The following ATOSA variants were observed in gnomAD, a reference collection of about 807,000 sequenced individuals.
ATOSA encodes the protein atos homolog A.
the ATOSA span, among the ~76,000 whole-genome samples, chr15:52,673,828 G>A: frequency 1.3e-5 from 2 of 152,170 alleles, no homozygotes; most frequent in East Asian, 1.9e-4. Context: ...AATTGTTTGA[G>A]GTTAACAGGG....
chr15:52,697,428 T>G, the ATOSA span, among the ~76,000 whole-genome samples: 1 of 152,226 alleles, frequency 6.6e-6, no homozygotes, highest in African/African-American at 2.4e-5. Context: ...GAAGAACCTA[T>G]CTTACATATC....
chr15:52,685,695 A>C, the ATOSA span, among the ~76,000 whole-genome samples: 4 of 151,766 alleles, frequency 2.6e-5, no homozygotes, highest in African/African-American at 9.7e-5. Context: ...TCGGCCTCGC[A>C]AAGTGCTGGG....
chr15:52,678,011 T>C, the ATOSA span: 1 of 1,614,024 alleles, frequency 6.2e-7, no homozygotes, highest in South Asian at 1.1e-5. Flanking sequence ...TTTACCTCGG[T>C]CTGGCTTCAT....
chr15:52,709,638 C>T, the ATOSA span: 1 of 152,752 alleles, frequency 6.5e-6, no homozygotes, highest in African/African-American at 2.4e-5. Context: ...CCTTTGCCCT[C>T]CTCACTCGTC....
At chr15:52,610,261 C>A in the ATOSA span, 1 of 1,613,836 alleles carries the variant, frequency 6.2e-7, no homozygotes, top group African/African-American at 1.3e-5. Context: ...ATTAGATTGT[C>A]TGGGCAAGGA....
At chr15:52,681,994 T>C in the ATOSA span, among the ~76,000 whole-genome samples, 1 of 152,224 alleles carries the variant, frequency 6.6e-6, no homozygotes. Flanking sequence ...TCTTCTTTCT[T>C]GTATCCCTAG....
chr15:52,653,900 A>G, the ATOSA span, among the ~76,000 whole-genome samples: 2 of 152,186 alleles, frequency 1.3e-5, no homozygotes, highest in African/African-American at 4.8e-5. Context: ...CAATCATGGG[A>G]GGTGACTAGT....
the ATOSA span, among the ~76,000 whole-genome samples, chr15:52,648,273 A>G: frequency 6.6e-6 from 1 of 152,138 alleles, no homozygotes; most frequent in Admixed American, 6.5e-5. Flanking sequence ...ACTATGCCCA[A>G]TATTACACAG....
chr15:52,636,055 T>C, the ATOSA span, among the ~76,000 whole-genome samples: 2 of 147,006 alleles, frequency 1.4e-5, no homozygotes, highest in African/African-American at 4.9e-5. Flanking sequence ...TTAATAAATT[T>C]ATTAAATTAA....
the ATOSA span, among the ~76,000 whole-genome samples, chr15:52,634,680 C>T: frequency 6.6e-6 from 1 of 150,540 alleles, no homozygotes; most frequent in South Asian, 2.1e-4. Context: ...CGGCTCACTG[C>T]AACTTCTGCC....
chr15:52,620,651 T>C, the ATOSA span, among the ~76,000 whole-genome samples: 2 of 152,114 alleles, frequency 1.3e-5, no homozygotes, highest in African/African-American at 4.8e-5. Flanking sequence ...AGAAAGTTTA[T>C]CTAAAAATAA....
At chr15:52,600,995 C>T in the ATOSA span, 1 of 775,240 alleles carries the variant, frequency 1.3e-6, no homozygotes, top group Admixed American at 2.8e-5. Flanking sequence ...TGTTACAATT[C>T]TGATGTTTAG....
chr15:52,704,452 G>T, the ATOSA span, among the ~76,000 whole-genome samples: 1 of 151,958 alleles, frequency 6.6e-6, no homozygotes, highest in Admixed American at 6.6e-5. Context: ...ATGGGCAAAG[G>T]CTTAACGACT....
At chr15:52,648,018 T>A in the ATOSA span, among the ~76,000 whole-genome samples, 1 of 152,150 alleles carries the variant, frequency 6.6e-6, no homozygotes, top group East Asian at 1.9e-4. Context: ...TAGAAGTGTA[T>A]CTTAGGGAAA....
At chr15:52,601,136 G>A in the ATOSA span, 2 of 1,542,176 alleles carry the variant, frequency 1.3e-6, no homozygotes, top group Non-Finnish European at 1.7e-6. Flanking sequence ...CCAGATCAAA[G>A]CAACCTGATT....
the ATOSA span, among the ~76,000 whole-genome samples, chr15:52,674,555 T>C: frequency 2.0e-5 from 3 of 152,216 alleles, no homozygotes; most frequent in East Asian, 1.9e-4. Context: ...CCTCTACATA[T>C]AGAAGCCATA....
At chr15:52,696,837 A>C in the ATOSA span, among the ~76,000 whole-genome samples, 1 of 151,318 alleles carries the variant, frequency 6.6e-6, no homozygotes, top group Non-Finnish European at 1.5e-5. Context: ...TATGTATTTT[A>C]ATTTATATAA....
the ATOSA span, among the ~76,000 whole-genome samples, chr15:52,641,350 C>T: frequency 6.6e-6 from 1 of 152,178 alleles, no homozygotes; most frequent in Non-Finnish European, 1.5e-5. Context: ...CCAAGAGCCC[C>T]CCTACAGTGC....
the ATOSA span, among the ~76,000 whole-genome samples, chr15:52,627,558 T>C: frequency 4.6e-5 from 7 of 152,132 alleles, no homozygotes; most frequent in African/African-American, 7.2e-5. Flanking sequence ...TTGATCTATG[T>C]TGAAGTATGA....
Sources: allele counts gnomAD v4.1 joint callset (sites outside exome capture counted in the v4.1 genomes callset), GRCh38; gene constraint gnomAD v4.1.1; transcripts MANE v1.5; gene names NCBI Gene and HGNC (gene_info 2026-07-23, HGNC 2026-07-21).